Variants in MORN5 observed in about 807,000 individuals in gnomAD.
MORN5 encodes MORN repeat containing 5, also known as MORN repeat-containing protein 5.
A neutral mutation model predicts 22.1 loss-of-function variants in MORN5; 21 were observed. That is an observed-to-expected ratio of 0.95 (90% CI 0.67 to 1.37). The LOEUF (loss-of-function observed/expected upper bound fraction) is 1.37, where lower values mean the gene tolerates loss of function less well. MORN5 is among the 40% of genes most tolerant of loss of function. The pLI, the probability that MORN5 is intolerant of heterozygous loss-of-function variation, is 0.00. For missense variants in MORN5, 211 were observed against 215.1 expected (o/e 0.98, Z 0.12); for synonymous variants, 73 against 74.0 (o/e 0.99, Z 0.07).
At chr9:122,195,635 G>C (rs1479443252) in intron 4 of MORN5, among the ~76,000 whole-genome samples, 4 of 152,190 alleles carry the variant, frequency 2.6e-5, no homozygotes, top group Non-Finnish European at 5.9e-5. Flanking sequence ...CAAGGGTCCA[G>C]ACTGTCACCA....
intron 1 of MORN5, 26 bp from the exon 2 acceptor site, chr9:122,166,742 T>A (rs375188883): frequency 1.8e-5 from 29 of 1,604,858 alleles, no homozygotes; most frequent in Middle Eastern, 1.7e-4. Flanking sequence ...CACACAGGGC[T>A]CAGTGATTTC....
At chr9:122,187,841 A>G (rs1367491678) in intron 4 of MORN5, among the ~76,000 whole-genome samples, 2 of 152,240 alleles carry the variant, frequency 1.3e-5, no homozygotes, top group African/African-American at 4.8e-5. Context: ...CTACACACAC[A>G]GAGAAGAGCA....
intron 1 of MORN5, among the ~76,000 whole-genome samples, chr9:122,165,806 T>A (rs1829267920): frequency 6.6e-6 from 1 of 151,886 alleles, no homozygotes; most frequent in African/African-American, 2.4e-5. Context: ...ATCAGCATAG[T>A]CCCTGACAAA....
In MORN5 at chr9:122,199,892, C is replaced by T. The variant is rs748669612; in HGVS notation, c.447C>T (p.Asp149=). The T allele has an allele frequency of 8.7e-6, 14 of 1,613,782 alleles. No homozygotes were observed. In the Admixed American group the frequency reaches 1.2e-4, roughly 13 times the overall value. Residue 149 remains aspartate, a synonymous_variant, in exon 5 of 5, where the codon GAC becomes GAT. Coordinates refer to ENST00000373764, the MANE Select transcript of MORN5 (RefSeq NM_198469.4). ...RNRFLRNADD[D]EHEWITRTCR... ...CTTCCTCTTTCCTTGCAGATGATGA[C>T]GAGCATGAGTGGATCACCCGTACCT...
chr9:122,167,108 C>A (rs991675282), intron 2 of MORN5, among the ~76,000 whole-genome samples, 193 bp downstream of exon 2: 3 of 147,022 alleles, frequency 2.0e-5, no homozygotes, highest in Non-Finnish European at 4.5e-5. Flanking sequence ...AGTGCAGTGG[C>A]ACAATCTCGG....
In MORN5 at chr9:122,166,857, T is replaced by G; in HGVS notation, c.137T>G (p.Leu46Arg). The change falls in exon 2 of 5, where the codon CTG becomes CGG. Residue 46 changes from leucine (L) to arginine (R), a missense_variant. By Grantham distance (102) the Leu-to-Arg change is moderately radical. Coordinates refer to ENST00000373764, the MANE Select transcript of MORN5 (RefSeq NM_198469.4). ...GGCATGTTTCACGGCGAGGGAACCC[T>G]GTACTTCCCCAGCGGAAGCCAATAC... ...KDGMFHGEGT[L>R]YFPSGSQYDA... 6.2e-7 allele frequency: 1 copy of G among 1,613,962 alleles called. No homozygotes were observed. Among genetic ancestry groups the G allele is most frequent in the Non-Finnish European group, 8.5e-7 (1 of 1,179,936 alleles).
chr9:122,170,938 G>A, intron 3 of MORN5, among the ~76,000 whole-genome samples: 1 of 151,912 alleles, frequency 6.6e-6, no homozygotes, highest in East Asian at 1.9e-4. Context: ...TAACAAACCT[G>A]CACATTCTGC....
At chr9:122,177,331 A>T (rs1176773226) in intron 4 of MORN5, among the ~76,000 whole-genome samples, 1 of 152,252 alleles carries the variant, frequency 6.6e-6, no homozygotes, top group East Asian at 1.9e-4. Flanking sequence ...ACAGCCCCTA[A>T]CAAGGAGCCG....
chr9:122,160,069 G>C, intron 1 of MORN5, 50 bp downstream of exon 1: 1 of 1,531,924 alleles, frequency 6.5e-7, no homozygotes, highest in Non-Finnish European at 8.9e-7. Flanking sequence ...GCTGTGACTG[G>C]AAAAAGACGG....
chr9:122,163,355 C>T (rs1829230491), intron 1 of MORN5, among the ~76,000 whole-genome samples: 1 of 152,192 alleles, frequency 6.6e-6, no homozygotes. Flanking sequence ...TAGCATTTGG[C>T]AGAGCAGGTA....
intron 1 of MORN5, among the ~76,000 whole-genome samples, chr9:122,161,277 T>C (rs1829194554): frequency 6.6e-6 from 1 of 152,184 alleles, no homozygotes; most frequent in Non-Finnish European, 1.5e-5. Context: ...TGGACAGGGA[T>C]AGGAGATAGA....
intron 1 of MORN5, among the ~76,000 whole-genome samples, chr9:122,163,983 C>G (rs1363403088): frequency 6.6e-6 from 1 of 152,152 alleles, no homozygotes; most frequent in East Asian, 1.9e-4. Flanking sequence ...CCACCGGACT[C>G]AAGCGATCCT....
intron 3 of MORN5, among the ~76,000 whole-genome samples, chr9:122,170,726 C>T (rs1227314766): frequency 6.6e-6 from 1 of 152,158 alleles, no homozygotes; most frequent in African/African-American, 2.4e-5. Context: ...TACCTCCCTG[C>T]AAAAACCGTG....
intron 4 of MORN5, among the ~76,000 whole-genome samples, chr9:122,198,210 G>A (rs994140750): frequency 2.6e-5 from 4 of 152,208 alleles, no homozygotes; most frequent in Non-Finnish European, 4.4e-5. Context: ...CACATAGGCT[G>A]TCTGTGAGCC....
rs1317651409 is a variant in MORN5, at chr9:122,199,173, T to A, written c.440-712T>A. On this transcript the variant is annotated intron_variant, in intron 4 of 4. Coordinates refer to ENST00000373764, the MANE Select transcript of MORN5 (RefSeq NM_198469.4). ...TGAGGTTTAAAAAACAGCACAGGCTTTATAGCTGGACAATCCTAGGTTCTA... is the reference window on the plus strand; with the variant it reads ...TGAGGTTTAAAAAACAGCACAGGCTATATAGCTGGACAATCCTAGGTTCTA... Among the ~76,000 whole-genome samples, 4 of 152,284 alleles carry A rather than the reference T, an allele frequency of 2.6e-5. No homozygotes were observed. The South Asian group carries it at 8.3e-4, about 32-fold the overall frequency.
At chr9:122,187,430 C>T (rs866175472) in intron 4 of MORN5, among the ~76,000 whole-genome samples, 1 of 152,204 alleles carries the variant, frequency 6.6e-6, no homozygotes, top group Non-Finnish European at 1.5e-5. Flanking sequence ...GCCTTAGGCC[C>T]CCTAAGCTCC....
chr9:122,197,527 C>T lies in MORN5; in HGVS notation c.440-2358C>T, dbSNP rs1479751076. Among the ~76,000 whole-genome samples, 1 of 151,972 alleles carries T rather than the reference C, an allele frequency of 6.6e-6. No homozygotes were observed. The highest frequency in any genetic ancestry group is 6.6e-5 in the Admixed American group (1 of 15,254). ...GAGCCGCAGAGAGGCGCAGGGGAGG[C>T]GGAGGGAGGGGTTGGTGAGCAGCTG... On this transcript the variant is annotated intron_variant, in intron 4 of 4. Transcript: ENST00000373764. The surrounding 1 kb of genome is among the most constrained non-coding windows in gnomAD (Gnocchi z 5.7).
At position 122,186,768 on chromosome 9, in the gene MORN5, C is replaced by G. The variant is rs114029404; in HGVS notation, c.439+12141C>G. ...CTTCAGTAGCTGGAGTCAACCTGGACCAGCACTGTAATGGTTTGTTTTGTC... is the reference window on the plus strand; with the variant it reads ...CTTCAGTAGCTGGAGTCAACCTGGAGCAGCACTGTAATGGTTTGTTTTGTC... On this transcript the variant is annotated intron_variant, in intron 4 of 4. Transcript: ENST00000373764. Among the ~76,000 whole-genome samples the G allele has an allele frequency of 4.1e-3, 618 of 152,286 alleles. 5 individuals are homozygous for G. The highest frequency in any genetic ancestry group is 0.013 in the African/African-American group (544 of 41,554).
intron 4 of MORN5, chr9:122,175,813 C>A: frequency 3.1e-6 from 2 of 651,242 alleles, no homozygotes; most frequent in Non-Finnish European, 3.8e-6. Flanking sequence ...CCTCATGGGG[C>A]TAGAATAAGA....
Sources: allele counts gnomAD v4.1 joint callset (sites outside exome capture counted in the v4.1 genomes callset), GRCh38; gene constraint gnomAD v4.1.1; non-coding constraint Gnocchi (gnomAD v3.1); transcripts MANE v1.5; gene names NCBI Gene and HGNC (gene_info 2026-07-23, HGNC 2026-07-21).